The following CYP2B6 variants were observed in gnomAD, a reference collection of about 807,000 sequenced individuals.
CYP2B6 encodes cytochrome P450 2B6.
Under a neutral mutation model 43.4 loss-of-function variants are expected in CYP2B6, and 35 were observed. The ratio of observed to expected loss-of-function variants is 0.81; its 90% confidence interval spans 0.62 to 1.07. CYP2B6 has a LOEUF of 1.07. CYP2B6 is among the 50% of genes least tolerant of loss of function. CYP2B6 has a pLI of 0.00. For synonymous variants in CYP2B6, 239 were observed against 239.2 expected, an observed-to-expected ratio of 1.00 and a Z score of 0.01; for missense variants, 624 against 632.8, an observed-to-expected ratio of 0.99 and a Z score of 0.15.
At chr19:40,997,274 G>A (rs1452706458) in intron 1 of CYP2B6, among the ~76,000 whole-genome samples, 2 of 151,672 alleles carry the variant, frequency 1.3e-5, no homozygotes, top group African/African-American at 4.9e-5. Flanking sequence ...TATTTACCTG[G>A]GTTATCACTG....
intron 1 of CYP2B6, among the ~76,000 whole-genome samples, chr19:40,997,803 A>C (rs7250991): frequency 0.31 from 46,334 of 151,782 alleles, 7,717 homozygotes; most frequent in African/African-American, 0.41. Flanking sequence ...GGCTCACGAC[A>C]CCACTGGGCA....
Position 40,998,193 on chromosome 19 carries a change from G to A in CYP2B6, c.172-5808G>A, listed in dbSNP as rs539874566. 5.9e-5 allele frequency among the ~76,000 whole-genome samples: 9 copies of A among 152,146 alleles called. No homozygotes were observed. The South Asian group carries it at 8.3e-4, about 14-fold the overall frequency. On this transcript the variant is annotated intron_variant, in intron 1 of 8. Coordinates refer to ENST00000324071, the MANE Select transcript of CYP2B6 (RefSeq NM_000767.5). ...TGGTCAAAGACATCCTACACAATTC[G>A]CTGAACCTTCTCTCTAAGGGTTTTT...
chr19:41,007,429 CTT>C, intron 4 of CYP2B6: 1 of 258,824 alleles, frequency 3.9e-6, no homozygotes, highest in Non-Finnish European at 7.5e-6. Context: ...AGGCTTTGGG[CTT>C]CATGTCTATT....
chr19:40,997,868 G>A (rs1969020615), intron 1 of CYP2B6, among the ~76,000 whole-genome samples: 1 of 152,126 alleles, frequency 6.6e-6, no homozygotes, highest in Non-Finnish European at 1.5e-5. Flanking sequence ...GGGAGGCTGA[G>A]GTGGGAGGAT....
In CYP2B6 at chr19:41,007,230, G is replaced by T. The variant is rs982196450; in HGVS notation, c.645+165G>T. 4.4e-6 allele frequency: 3 copies of T among 687,506 alleles called. No homozygotes were observed. The South Asian group carries it at 5.2e-5, about 12-fold the overall frequency. 42.6% of individuals were successfully genotyped at this position (687,506 alleles called of 1,614,324 possible). On this transcript the variant is annotated intron_variant, in intron 4 of 8. Coordinates refer to ENST00000324071, the MANE Select transcript of CYP2B6 (RefSeq NM_000767.5). Reference sequence around the variant, plus strand: ...ATGGAGACCTGGAGGGAGGAGAGACGGTGAGACAGGGATAGAGACACTGAG... The same window carrying T: ...ATGGAGACCTGGAGGGAGGAGAGACTGTGAGACAGGGATAGAGACACTGAG...
intron 6 of CYP2B6, 97 bp from the exon 7 acceptor site, chr19:41,012,201 C>A: frequency 1.7e-6 from 2 of 1,200,004 alleles, no homozygotes; most frequent in African/African-American, 1.5e-5. Context: ...CCACCCACCT[C>A]AACCTCCAAA....
intron 8 of CYP2B6, among the ~76,000 whole-genome samples, chr19:41,015,622 A>G (rs4802104): frequency 0.27 from 40,390 of 152,064 alleles, 6,214 homozygotes; most frequent in East Asian, 0.43. Context: ...TGCACCTCTG[A>G]GAATCAGTGG....
chr19:41,015,333 A>G (rs1471282917), intron 8 of CYP2B6, among the ~76,000 whole-genome samples: 1 of 152,172 alleles, frequency 6.6e-6, no homozygotes, highest in African/African-American at 2.4e-5. Context: ...AGGCCCAGAG[A>G]CCTGCCTGTT....
intron 1 of CYP2B6, among the ~76,000 whole-genome samples, chr19:40,994,646 G>A (rs895840564): frequency 4.6e-5 from 7 of 152,116 alleles, no homozygotes; most frequent in African/African-American, 1.7e-4. Context: ...ATTTAATCCA[G>A]TAACATTACA....
rs1416127926 is a variant in CYP2B6 at position 41,010,167 on chromosome 19, T to C, written c.964+32T>C. 5.0e-6 allele frequency: 8 copies of C among 1,611,138 alleles called. No individual in the cohort carries two copies. In the South Asian group the frequency reaches 8.8e-5, roughly 18 times the overall value. The stretch of plus-strand genomic sequence containing the variant: ...CAGGGACAGCCAGTCAAGGGGGTCT[T>C]CTGACCTCCTTCTGAGCTGCAGAAA... On this transcript the variant is annotated intron_variant, in intron 6 of 8. Coordinates refer to ENST00000324071, the MANE Select transcript of CYP2B6 (RefSeq NM_000767.5).
chr19:41,013,352 G>T (rs199665623), intron 8 of CYP2B6, among the ~76,000 whole-genome samples: 3 of 152,126 alleles, frequency 2.0e-5, no homozygotes, highest in African/African-American at 7.2e-5. Flanking sequence ...TCTAAAGGGA[G>T]CTTTGGGAGC....
At chr19:41,004,642 G>T (rs1474531692) in intron 3 of CYP2B6, among the ~76,000 whole-genome samples, 196 bp downstream of exon 3, 1 of 151,958 alleles carries the variant, frequency 6.6e-6, no homozygotes, top group Non-Finnish European at 1.5e-5. Flanking sequence ...GGGCAGGAGA[G>T]AAACACAGAG....
intron 8 of CYP2B6, among the ~76,000 whole-genome samples, chr19:41,014,304 T>C (rs566617149): frequency 6.6e-6 from 1 of 151,990 alleles, no homozygotes; most frequent in Admixed American, 6.6e-5. Flanking sequence ...ATCTGAAGTT[T>C]CTTTTTTTTT....
At chr19:40,992,649 A>C (rs1239136687) in intron 1 of CYP2B6, among the ~76,000 whole-genome samples, 3 of 151,984 alleles carry the variant, frequency 2.0e-5, no homozygotes, top group Non-Finnish European at 4.4e-5. Flanking sequence ...CCCCCCAAGT[A>C]GCTGGAACTA....
At chr19:41,001,965 T>C (rs1599844710) in intron 1 of CYP2B6, among the ~76,000 whole-genome samples, 1 of 150,984 alleles carries the variant, frequency 6.6e-6, no homozygotes, top group Non-Finnish European at 1.5e-5. Context: ...GCAGAGACAA[T>C]GAAAGATTCA....
At chr19:40,991,518 T>C in intron 1 of CYP2B6, 42 bp downstream of exon 1, 1 of 1,607,714 alleles carries the variant, frequency 6.2e-7, no homozygotes, top group Non-Finnish European at 8.5e-7. Flanking sequence ...AGCTGCTTCT[T>C]GCCTTGGTAC....
intron 6 of CYP2B6, among the ~76,000 whole-genome samples, chr19:41,011,159 A>G (rs1166345513): frequency 6.6e-6 from 1 of 152,126 alleles, no homozygotes. Context: ...CCTTCTACGA[A>G]CTAGGTTTCA....
chr19:40,999,581 C>G (rs1427572237), intron 1 of CYP2B6, among the ~76,000 whole-genome samples: 1 of 152,064 alleles, frequency 6.6e-6, no homozygotes, highest in Non-Finnish European at 1.5e-5. Flanking sequence ...TTTAATCCAT[C>G]TTGAATTGAT....
chr19:41,014,393 C>G (rs1264440255), intron 8 of CYP2B6, among the ~76,000 whole-genome samples: 1 of 151,970 alleles, frequency 6.6e-6, no homozygotes, highest in Non-Finnish European at 1.5e-5. Flanking sequence ...GCAACCTCTG[C>G]CTCCCAGGTT....
Sources: allele counts gnomAD v4.1 joint callset (sites outside exome capture counted in the v4.1 genomes callset), GRCh38; gene constraint gnomAD v4.1.1; transcripts MANE v1.5; gene names NCBI Gene and HGNC (gene_info 2026-07-23, HGNC 2026-07-21).